Variants in SYNE2 observed in about 807,000 individuals in gnomAD.
SYNE2 encodes nesprin-2.
A neutral mutation model predicts 856.3 loss-of-function variants in SYNE2; 431 were observed. That is an observed-to-expected ratio of 0.50 (90% CI 0.47 to 0.55). The LOEUF is 0.55. Ranked by LOEUF, SYNE2 falls within the 20% of genes least tolerant of loss-of-function variation. SYNE2 has a pLI of 0.00. For missense variants in SYNE2, 8,129 were observed against 8,023.2 expected (o/e 1.01, Z -0.50); for synonymous variants, 2,923 against 2,872.3 (o/e 1.02, Z -0.56).
rs2096603990 is a variant in SYNE2, at chr14:63,983,719, T to G, written c.2002-18T>G. 6.2e-7 allele frequency: 1 copy of G among 1,603,284 alleles called. No individual in the cohort carries two copies. The highest frequency in any genetic ancestry group is 1.3e-5 in the African/African-American group (1 of 74,784). On this transcript the variant is annotated intron_variant, in intron 17 of 115. Transcript: ENST00000555002. ...ATAAAAATATGAGTATTACATTTCA[T>G]GAAATTATTTTGTATAGGAAATGAA...
Position 64,007,164 on chromosome 14 carries a change from C to T in SYNE2, c.4519C>T (p.Gln1507Ter). The change falls in exon 31 of 116, where the codon CAA (glutamine) becomes TAA (stop). Residue 1507 changes from glutamine to a stop codon, truncating the protein, a stop_gained. Coordinates refer to ENST00000555002, the MANE Select transcript of SYNE2 (RefSeq NM_182914.3). LOFTEE classifies it high-confidence loss of function. ...FKDGREKTVN[Q>*]QCQNTVVLWE... Reference sequence around the variant, plus strand: ...AGATGGCAGAGAAAAAACCGTGAATCAACAGTGCCAAAATACAGTAGTCTT... The same window carrying T: ...AGATGGCAGAGAAAAAACCGTGAATTAACAGTGCCAAAATACAGTAGTCTT... 1 of 1,614,052 alleles carries T rather than the reference C, an allele frequency of 6.2e-7. No homozygotes were observed. The highest frequency in any genetic ancestry group is 8.5e-7 in the Non-Finnish European group (1 of 1,179,952).
At chr14:64,120,261 T>A (rs78346404) in intron 67 of SYNE2, among the ~76,000 whole-genome samples, 4,856 of 152,068 alleles carry the variant, frequency 0.032, 130 homozygotes, top group Non-Finnish European at 0.047. Flanking sequence ...TCTCTCTTTT[T>A]AAAAAAAATG....
rs1204416257 is a variant in SYNE2 at position 64,221,679 on chromosome 14, T to C, written c.20165T>C (p.Leu6722Pro). The C allele has an allele frequency of 6.2e-7, 1 of 1,614,036 alleles. No homozygotes were observed. The highest frequency in any genetic ancestry group is 8.5e-7 in the Non-Finnish European group (1 of 1,180,024). ...GATCCAAAGGCAGACCCCCGGGCTC[T>C]CCTAGAGTGTCGGAGGGAACTAATG... is the stretch of plus-strand genomic sequence containing the variant. ...VTDPKADPRA[L>P]LECRRELMQL... Residue 6722 changes from leucine to proline, a missense_variant, in exon 112 of 116, where the codon CTC (leucine) becomes CCC (proline). Leu to Pro is a moderately conservative substitution (Grantham distance 98). Around this residue, in one of 3 missense-constraint regions of SYNE2, gnomAD observed 5,410 missense variants for 5,284.8 expected, o/e 1.02. Coordinates refer to ENST00000555002, the MANE Select transcript of SYNE2 (RefSeq NM_182914.3).
chr14:64,065,587 T>C lies in SYNE2; in HGVS notation c.10368T>C (p.Ala3456=). The change falls in exon 51 of 116, where the codon GCT becomes GCC. Residue 3456 remains alanine (A), a synonymous_variant. Transcript: ENST00000555002. ...LWEKWLSLLE[A]AKEWEMWCEE... is the part of the protein sequence containing the mutation. ...AGAAATGGCTGAGTTTGCTGGAAGC[T>C]GCTAAAGAGTGGGAGATGTGGTGCG... The C allele has an allele frequency of 6.2e-7, 1 of 1,614,192 alleles. No individual in the cohort carries two copies. The highest frequency in any genetic ancestry group is 8.5e-7 in the Non-Finnish European group (1 of 1,180,036).
At position 63,997,011 on chromosome 14, in the gene SYNE2, T is replaced by C; in HGVS notation, c.3005T>C (p.Leu1002Pro). Residue 1002 changes from leucine to proline, a missense_variant, in exon 24 of 116, where the codon CTG becomes CCG. Leu to Pro is a moderately conservative substitution (Grantham distance 98, BLOSUM62 -3). Around this residue, in one of 3 missense-constraint regions of SYNE2, gnomAD observed 2,422 missense variants for 2,357.4 expected, o/e 1.03. Coordinates refer to ENST00000555002, the MANE Select transcript of SYNE2 (RefSeq NM_182914.3). The stretch of plus-strand genomic sequence containing the variant: ...CACCACATGGAAGTCCTGAGGGAGC[T>C]GTGTGAAGAGCTGCCTTCACAGAAG... Reference protein sequence around the residue: ...LNHHMEVLRELCEELPSQKSQ... With the variant: ...LNHHMEVLREPCEELPSQKSQ... 1.9e-6 allele frequency: 3 copies of C among 1,614,120 alleles called. No homozygotes were observed. The highest frequency in any genetic ancestry group is 2.5e-6 in the Non-Finnish European group (3 of 1,180,026).
intron 19 of SYNE2, 52 bp from the exon 20 acceptor site, chr14:63,990,359 T>G: frequency 6.4e-7 from 1 of 1,566,804 alleles, no homozygotes; most frequent in South Asian, 1.1e-5. Context: ...GATTAATGTT[T>G]AGCATATAAT....
At chr14:64,082,464 A>T (rs1156509947) in intron 57 of SYNE2, among the ~76,000 whole-genome samples, 1 of 152,192 alleles carries the variant, frequency 6.6e-6, no homozygotes, top group African/African-American at 2.4e-5. Flanking sequence ...CAGAGTGCAG[A>T]GAGATTCTTC....
chr14:63,966,633 A>G (rs1307843279), intron 10 of SYNE2, among the ~76,000 whole-genome samples: 1 of 148,792 alleles, frequency 6.7e-6, no homozygotes, highest in East Asian at 2.0e-4. Flanking sequence ...ATCACAGTTC[A>G]CTGCAACCTC....
chr14:64,035,515 ATTTTTTTTT>A (rs35030710), intron 45 of SYNE2, among the ~76,000 whole-genome samples: 23 of 121,694 alleles, frequency 1.9e-4, no homozygotes, highest in African/African-American at 7.1e-4. Context: ...TACATGGTAC[ATTTTTTTTT>A]TTTTTTTTTT....
intron 2 of SYNE2, among the ~76,000 whole-genome samples, chr14:63,935,167 C>T (rs2095814779): frequency 6.6e-6 from 1 of 152,076 alleles, no homozygotes; most frequent in East Asian, 1.9e-4. Flanking sequence ...TCTGGAATTA[C>T]TTCGTTGAGA....
At chr14:64,119,371 G>T (rs1443304586) in intron 66 of SYNE2, 56 bp from the exon 67 acceptor site, 3 of 1,602,416 alleles carry the variant, frequency 1.9e-6, no homozygotes, top group Non-Finnish European at 2.6e-6. Flanking sequence ...TTGTTTGCAG[G>T]CACAATACTT....
intron 64 of SYNE2, among the ~76,000 whole-genome samples, chr14:64,105,790 T>C (rs1310851882): frequency 1.3e-5 from 1 of 77,756 alleles, no homozygotes; most frequent in African/African-American, 2.3e-4. Flanking sequence ...TAGGTGCAGT[T>C]GTCTCATGCC....
At chr14:63,990,292 C>A in intron 19 of SYNE2, 119 bp from the exon 20 acceptor site, 3 of 902,100 alleles carry the variant, frequency 3.3e-6, no homozygotes, top group Admixed American at 2.5e-5. Context: ...TTTCAGAATG[C>A]AAATTTGCCT....
At position 64,188,652 on chromosome 14, in the gene SYNE2, A is replaced by C; in HGVS notation, c.17815A>C (p.Lys5939Gln). 6.2e-7 allele frequency: 1 copy of C among 1,614,248 alleles called. No homozygotes were observed. Among genetic ancestry groups the C allele is most frequent in the Non-Finnish European group, 8.5e-7 (1 of 1,180,044 alleles). ...LCAWLVQMEN[K>Q]VLQTADISIE... ...TGCCTGGCTGGTGCAGATGGAAAAC[A>C]AAGTTCTACAGACAGCGGACATTAG... is the stretch of plus-strand genomic sequence containing the variant. Residue 5939 changes from lysine to glutamine, a missense_variant, in exon 98 of 116, where the codon AAA becomes CAA. Lys to Gln is a moderately conservative substitution (Grantham distance 53). Coordinates refer to ENST00000555002, the MANE Select transcript of SYNE2 (RefSeq NM_182914.3).
intron 1 of SYNE2, among the ~76,000 whole-genome samples, chr14:63,788,094 G>A (rs113305509): frequency 4.5e-4 from 69 of 152,232 alleles, no homozygotes; most frequent in Admixed American, 3.0e-3. Context: ...TATAAGCACT[G>A]CCGCAAGCTT....
intron 7 of SYNE2, 125 bp downstream of exon 7, chr14:63,950,131 T>C: frequency 9.0e-7 from 1 of 1,116,006 alleles, no homozygotes; most frequent in South Asian, 1.3e-5. Context: ...CTCTCTGTGC[T>C]TCTTCCATAC....
chr14:64,067,274 G>A (rs942298882), intron 51 of SYNE2, among the ~76,000 whole-genome samples: 31 of 152,160 alleles, frequency 2.0e-4, no homozygotes, highest in Admixed American at 1.6e-3. Flanking sequence ...TGACAGGATA[G>A]TTCAGAGCAC....
chr14:64,005,904 T>G (rs1211956898), intron 30 of SYNE2, among the ~76,000 whole-genome samples: 1 of 151,998 alleles, frequency 6.6e-6, no homozygotes, highest in Non-Finnish European at 1.5e-5. Context: ...ATCAGGAAGA[T>G]GAGGGGGAAC....
intron 1 of SYNE2, among the ~76,000 whole-genome samples, chr14:63,828,831 C>G (rs914090921): frequency 6.6e-6 from 1 of 152,180 alleles, no homozygotes; most frequent in Non-Finnish European, 1.5e-5. Flanking sequence ...GTGAGACGAG[C>G]ATCCTTGCAT....
Sources: gnomAD v4.1 joint callset for allele counts (sites outside exome capture counted in the v4.1 genomes callset) on GRCh38, gnomAD v4.1.1 for gene constraint, gnomAD v4.1.1 regional missense constraint, MANE v1.5 for transcripts, NCBI Gene and HGNC (gene_info 2026-07-23, HGNC 2026-07-21) for gene names.